DSC3: variants seen among roughly 807,000 people sequenced by gnomAD.
DSC3 encodes desmocollin 3, also known as desmocollin-3.
Under a neutral mutation model 89.5 loss-of-function variants are expected in DSC3, and 97 were observed. The ratio of observed to expected loss-of-function variants is 1.08; its 90% CI spans 0.92 to 1.28. DSC3 has a LOEUF of 1.28. DSC3 is among the 50% of genes most tolerant of loss of function. DSC3 has a pLI of 0.00. For missense variants in DSC3, 1,199 were observed against 1,085.3 expected (o/e 1.10, Z -1.47); for synonymous variants, 436 against 384.1 (o/e 1.14, Z -1.58).
chr18:31,006,344 G>A (rs1391749511), intron 12 of DSC3, among the ~76,000 whole-genome samples: 1 of 149,630 alleles, frequency 6.7e-6, no homozygotes, highest in Non-Finnish European at 1.5e-5. Flanking sequence ...TGTCCCCCAG[G>A]CTGGAGTGCA....
chr18:31,012,088 GAT>G (rs781411962), intron 9 of DSC3, among the ~76,000 whole-genome samples: 7 of 151,594 alleles, frequency 4.6e-5, no homozygotes, highest in Admixed American at 3.3e-4. Context: ...GGAGCCCTGT[GAT>G]AATAATTCAG....
chr18:31,033,205 A>G (rs373633409), intron 1 of DSC3, among the ~76,000 whole-genome samples: 4 of 152,198 alleles, frequency 2.6e-5, no homozygotes, highest in Non-Finnish European at 4.4e-5. Flanking sequence ...CTTCATGGCT[A>G]TTCCCCAAAT....
At chr18:31,032,608 G>A (rs1343157031) in intron 1 of DSC3, among the ~76,000 whole-genome samples, 4 of 147,172 alleles carry the variant, frequency 2.7e-5, no homozygotes, top group African/African-American at 1.1e-4. Context: ...GTGTGCGTGT[G>A]CGTGTGTGAC....
intron 9 of DSC3, 52 bp downstream of exon 9, chr18:31,018,019 A>C (rs1946207095): frequency 6.9e-7 from 1 of 1,452,064 alleles, no homozygotes; most frequent in South Asian, 1.2e-5. Context: ...TTAAATTATT[A>C]GGTAACTAAA....
intron 15 of DSC3, among the ~76,000 whole-genome samples, chr18:30,995,755 T>C (rs761244607): frequency 1.3e-5 from 2 of 151,796 alleles, no homozygotes; most frequent in Non-Finnish European, 2.9e-5. Flanking sequence ...GTGGATCACT[T>C]GAGCCTGGGA....
At chr18:31,038,100 T>C (rs769382765) in intron 1 of DSC3, among the ~76,000 whole-genome samples, 6 of 152,208 alleles carry the variant, frequency 3.9e-5, no homozygotes, top group Non-Finnish European at 7.3e-5. Context: ...TACAAGAACA[T>C]AAAATATTTA....
chr18:31,008,640 T>C, intron 9 of DSC3, 115 bp from the exon 10 acceptor site: 1 of 1,350,670 alleles, frequency 7.4e-7, no homozygotes, highest in Admixed American at 1.7e-5. Flanking sequence ...TGTTCACATG[T>C]TGTTAATACT....
rs778979652 is a variant in DSC3 at position 31,004,171 on chromosome 18, G to A, written c.2084C>T (p.Ala695Val). Residue 695 changes from alanine to valine, a missense_variant, in exon 13 of 16, where the codon GCA becomes GTA. Physicochemically the swap from Ala to Val is moderately conservative, Grantham distance 64. Coordinates refer to ENST00000360428, the MANE Select transcript of DSC3 (RefSeq NM_001941.5). ...GAGCAGTGCTATACCCAGTAATATT[G>A]CAAGGATTGCCCATTTTCCAAGTAT... ...GVILGKWAIL[A>V]ILLGIALLFS... 1.1e-5 allele frequency: 18 copies of A among 1,613,426 alleles called. No homozygotes were observed. In the South Asian group the frequency reaches 1.8e-4, roughly 16 times the overall value.
At chr18:31,002,533 T>C (rs1191759969) in intron 13 of DSC3, among the ~76,000 whole-genome samples, 1 of 151,886 alleles carries the variant, frequency 6.6e-6, no homozygotes, top group African/African-American at 2.4e-5. Flanking sequence ...AAACCCCGTC[T>C]CTACTAAAAA....
At chr18:31,027,841 T>C (rs780432365) in intron 4 of DSC3, among the ~76,000 whole-genome samples, 6 of 152,256 alleles carry the variant, frequency 3.9e-5, no homozygotes, top group African/African-American at 7.2e-5. Context: ...TAAATGGTAA[T>C]AAATCCTTAT....
Position 30,996,916 on chromosome 18 carries a change from C to T in DSC3, c.2368G>A (p.Glu790Lys), listed in dbSNP as rs1327202815. 7.4e-6 allele frequency: 12 copies of T among 1,614,012 alleles called. No homozygotes were observed. Among genetic ancestry groups the T allele is most frequent in the Non-Finnish European group, 8.5e-6 (10 of 1,179,996 alleles). ...TGATGCCCAGCCCCCCGGCAGGATT[C>T]CAAGGTCTGGTTTCCTCCTTTCATC... ...EMMKGGNQTLESCRGAGHHHT... is the reference protein window; with the variant it reads ...EMMKGGNQTLKSCRGAGHHHT... Residue 790 changes from glutamate to lysine, a missense_variant, in exon 15 of 16, where the codon GAA becomes AAA. By Grantham distance (56) the Glu-to-Lys change is moderately conservative. Coordinates refer to ENST00000360428, the MANE Select transcript of DSC3 (RefSeq NM_001941.5).
At chr18:31,013,653 T>C (rs183313481) in intron 9 of DSC3, among the ~76,000 whole-genome samples, 1 of 152,274 alleles carries the variant, frequency 6.6e-6, no homozygotes, top group East Asian at 1.9e-4. Flanking sequence ...AGATATAAAA[T>C]ATATTCAATG....
Position 31,013,282 on chromosome 18 carries a change from T to C in DSC3, c.1264-4757A>G, listed in dbSNP as rs1452356729. Reference sequence around the variant, plus strand: ...AACAGATACAAAAACTAAAATTTGATTCATATCACAATTGTTCTAGGATAA... The same window carrying C: ...AACAGATACAAAAACTAAAATTTGACTCATATCACAATTGTTCTAGGATAA... On this transcript the variant is annotated intron_variant, in intron 9 of 15. Transcript: ENST00000360428. Among the ~76,000 whole-genome samples, 3 of 152,098 alleles carry C rather than the reference T, an allele frequency of 2.0e-5. No homozygotes were observed. The East Asian group carries it at 5.8e-4, about 29-fold the overall frequency.
chr18:30,994,311 T>C lies in DSC3; in HGVS notation c.2555A>G (p.Tyr852Cys), dbSNP rs1243693045. The change falls in exon 16 of 16, where the codon TAT becomes TGT. Residue 852 changes from tyrosine to cysteine, a missense_variant. Transcript: ENST00000360428. ...RMPSQDYVLT[Y>C]NYEGRGSPAG... is the part of the protein sequence containing the mutation. ...TGGAGATCCTCTTCCCTCATAGTTA[T>C]AAGTGAGGACATAATCTTGGGATGG... is the stretch of plus-strand genomic sequence containing the variant. The C allele has an allele frequency of 1.3e-5, 21 of 1,614,110 alleles. No homozygotes were observed. Among genetic ancestry groups the C allele is most frequent in the Admixed American group, 1.7e-5 (1 of 60,022 alleles).
chr18:31,030,383 T>G (rs1178465158), intron 3 of DSC3, among the ~76,000 whole-genome samples: 1 of 152,230 alleles, frequency 6.6e-6, no homozygotes, highest in Non-Finnish European at 1.5e-5. Flanking sequence ...AAATTAGCTT[T>G]ATTATTGATA....
chr18:31,032,786 G>A (rs1000927483), intron 1 of DSC3, among the ~76,000 whole-genome samples: 1 of 152,190 alleles, frequency 6.6e-6, no homozygotes, highest in Admixed American at 6.5e-5. Context: ...AGTAGGGATG[G>A]GGTTTCACCA....
intron 14 of DSC3, among the ~76,000 whole-genome samples, 193 bp from the exon 15 acceptor site, chr18:30,997,241 A>C (rs1984508961): frequency 6.6e-6 from 1 of 152,202 alleles, no homozygotes; most frequent in South Asian, 2.1e-4. Flanking sequence ...ATAACAGAAT[A>C]CCTGAGACTG....
At chr18:31,034,357 C>G (rs1985903423) in intron 1 of DSC3, among the ~76,000 whole-genome samples, 2 of 152,068 alleles carry the variant, frequency 1.3e-5, no homozygotes, top group African/African-American at 4.8e-5. Context: ...GCTAGGATAA[C>G]TAAAATAAAT....
chr18:31,025,965 C>T, intron 4 of DSC3, 50 bp from the exon 5 acceptor site: 1 of 1,530,818 alleles, frequency 6.5e-7, no homozygotes, highest in Non-Finnish European at 9.0e-7. Flanking sequence ...AATTCAGTTA[C>T]AATATTTTTT....
Sources: gnomAD v4.1 joint callset for allele counts (sites outside exome capture counted in the v4.1 genomes callset) on GRCh38, gnomAD v4.1.1 for gene constraint, MANE v1.5 for transcripts, NCBI Gene and HGNC (gene_info 2026-07-23, HGNC 2026-07-21) for gene names.